USP8: variants seen among roughly 807,000 people sequenced by gnomAD.
USP8 encodes ubiquitin carboxyl-terminal hydrolase 8.
A neutral mutation model predicts 130.0 loss-of-function variants in USP8; 27 were observed. The observed-to-expected ratio is 0.21, with a 90% CI of 0.15 to 0.29. USP8 has a LOEUF of 0.29. Among genes scored for constraint, USP8 ranks in the 10% least tolerant of loss-of-function variants. USP8 has a pLI of 1.00. For synonymous variants in USP8, 392 were observed against 444.1 expected, an observed-to-expected ratio of 0.88 and a Z score of 1.48; for missense variants, 1,029 against 1,312.2, an observed-to-expected ratio of 0.78 and a Z score of 3.33.
At chr15:50,494,625 T>C (rs895306249) in intron 16 of USP8, among the ~76,000 whole-genome samples, 8 of 152,248 alleles carry the variant, frequency 5.3e-5, no homozygotes, top group Non-Finnish European at 8.8e-5. Flanking sequence ...GTTTATATAA[T>C]ATGTATATGT....
At chr15:50,465,256 T>G in intron 7 of USP8, 65 bp downstream of exon 7, 2 of 1,495,780 alleles carry the variant, frequency 1.3e-6, no homozygotes, top group Non-Finnish European at 1.8e-6. Context: ...CCTTAGTAAA[T>G]GTTACTACTT....
chr15:50,472,378 G>A (rs1312107916), intron 8 of USP8, among the ~76,000 whole-genome samples: 1 of 146,314 alleles, frequency 6.8e-6, no homozygotes, highest in Non-Finnish European at 1.5e-5. Context: ...GGTGGATCAC[G>A]AGGTCAGGAG....
chr15:50,481,759 A>G lies in USP8; in HGVS notation c.1497A>G (p.Gln499=). Residue 499 remains glutamine, a synonymous_variant, in exon 11 of 20, where the codon CAA becomes CAG. Transcript: ENST00000307179. Reference sequence around the variant, plus strand: ...AAGAGAAACTGAGGAAGGAAGAACAAGAACAAAAAGCCAAAAAGAAACAAG... The same window carrying G: ...AAGAGAAACTGAGGAAGGAAGAACAGGAACAAAAAGCCAAAAAGAAACAAG... ...EQKEKLRKEE[Q]EQKAKKKQEA... 6.3e-7 allele frequency: 1 copy of G among 1,583,606 alleles called. No individual in the cohort carries two copies. Among genetic ancestry groups the G allele is most frequent in the Non-Finnish European group, 8.6e-7 (1 of 1,167,290 alleles).
At chr15:50,458,915 G>T (rs1002043276) in intron 4 of USP8, 85 bp from the exon 5 acceptor site, 13 of 1,529,942 alleles carry the variant, frequency 8.5e-6, no homozygotes, top group African/African-American at 5.5e-5. Flanking sequence ...CTCAAGGCAG[G>T]ATACTAATTT....
chr15:50,459,872 A>T (rs1595933800), intron 5 of USP8, among the ~76,000 whole-genome samples: 1 of 151,620 alleles, frequency 6.6e-6, no homozygotes, highest in Non-Finnish European at 1.5e-5. Flanking sequence ...TAATCATGTA[A>T]TTTACATTAA....
intron 4 of USP8, among the ~76,000 whole-genome samples, chr15:50,457,990 ATTT>A (rs2050850760): frequency 6.6e-6 from 1 of 152,016 alleles, no homozygotes. Flanking sequence ...CTAGTCAATT[ATTT>A]ATTTTTTTCC....
At chr15:50,492,167 A>AT (rs548553935) in intron 14 of USP8, among the ~76,000 whole-genome samples, 7 of 152,008 alleles carry the variant, frequency 4.6e-5, no homozygotes, top group Non-Finnish European at 8.8e-5. Flanking sequence ...CTGGAACTGT[A>AT]TTTTTTTACT....
chr15:50,462,410 T>C, intron 6 of USP8, 88 bp downstream of exon 6: 2 of 1,179,090 alleles, frequency 1.7e-6, no homozygotes, highest in Non-Finnish European at 2.4e-6. Flanking sequence ...ACAATGAGAT[T>C]CTTAGCATTG....
chr15:50,455,012 CTT>C (rs1272528350), intron 4 of USP8, among the ~76,000 whole-genome samples: 1 of 151,626 alleles, frequency 6.6e-6, no homozygotes, highest in Non-Finnish European at 1.5e-5. Context: ...AATACTGACT[CTT>C]TACTTTGTCA....
At position 50,503,350 on chromosome 15, in the gene USP8, C is replaced by G. The variant is rs78444615; in HGVS notation, c.*4262C>G. ...GAGCCCTAAACAGGAAATTTAACAA[C>G]AGTATGGTGTGTGGTTTATGCTTTG... On this transcript the variant is annotated 3_prime_UTR_variant, in exon 20 of 20. Transcript: ENST00000307179. The G allele has an allele frequency of 4.0e-4, 61 of 152,448 alleles. No homozygotes were observed. The highest frequency in any genetic ancestry group is 5.9e-4 in the Non-Finnish European group (40 of 68,150). 9.4% of individuals were successfully genotyped at this position (152,448 alleles called of 1,614,324 possible).
rs2052589051 is a variant in USP8, at chr15:50,501,553, A to C, written c.*2465A>C. 6.6e-6 allele frequency: 1 copy of C among 151,902 alleles called. No homozygotes were observed. The highest frequency in any genetic ancestry group is 2.1e-4 in the South Asian group (1 of 4,812). The allele number at this position is 151,902 out of a possible 1,614,324, so 9.4% of individuals were successfully genotyped here. ...GGATAAGCCACAGAAGAGACATTTAACATTAGAATAAGGATCTTAACTGCA... is the reference window on the plus strand; with the variant it reads ...GGATAAGCCACAGAAGAGACATTTACCATTAGAATAAGGATCTTAACTGCA... On this transcript the variant is annotated 3_prime_UTR_variant, in exon 20 of 20. Coordinates refer to ENST00000307179, the MANE Select transcript of USP8 (RefSeq NM_005154.5).
intron 8 of USP8, among the ~76,000 whole-genome samples, chr15:50,476,452 T>C (rs1198257340): frequency 6.6e-6 from 1 of 152,124 alleles, no homozygotes; most frequent in Non-Finnish European, 1.5e-5. Context: ...TAGTCGAATA[T>C]TACCTAGCAT....
At chr15:50,456,984 G>C (rs1179416048) in intron 4 of USP8, among the ~76,000 whole-genome samples, 1 of 152,228 alleles carries the variant, frequency 6.6e-6, no homozygotes, top group African/African-American at 2.4e-5. Context: ...GAATAGCACA[G>C]CTTTGTGTGA....
In USP8 at chr15:50,453,084, G is replaced by C. The variant is rs189847028; in HGVS notation, c.335+3599G>C. 3.9e-5 allele frequency among the ~76,000 whole-genome samples: 6 copies of C among 152,304 alleles called. No individual in the cohort carries two copies. In the East Asian group the frequency reaches 1.2e-3, roughly 29 times the overall value. On this transcript the variant is annotated intron_variant, in intron 4 of 19. Transcript: ENST00000307179. ...TACATGCTTGCTATTCTGTGACCAA[G>C]TTCTTAACACAGTGCAGTAGAGAAG...
chr15:50,446,625 C>T (rs528831533), intron 3 of USP8, among the ~76,000 whole-genome samples: 12 of 152,222 alleles, frequency 7.9e-5, no homozygotes, highest in African/African-American at 2.9e-4. Context: ...TTGTAATGTT[C>T]AATTGATACG....
rs1012857797 is a variant in USP8 at position 50,503,866 on chromosome 15, A to G, written c.*4778A>G. The G allele has an allele frequency of 2.0e-5, 3 of 152,250 alleles. No individual in the cohort carries two copies. Among genetic ancestry groups the G allele is most frequent in the Admixed American group, 1.3e-4 (2 of 15,278 alleles). The allele number at this position is 152,250 out of a possible 1,614,324, so 9.4% of individuals were successfully genotyped here. A position where few individuals can be genotyped will look rare whatever the true frequency, so the allele number is the denominator to read the frequency against. On this transcript the variant is annotated 3_prime_UTR_variant, in exon 20 of 20. Coordinates refer to ENST00000307179, the MANE Select transcript of USP8 (RefSeq NM_005154.5). ...AGAACATGCAAGGAAACAATTTATC[A>G]TAAGAGTCAGAAGGCAATAAGATTT...
Position 50,510,091 on chromosome 15 carries a change from G to A in USP8, c.*11003G>A, listed in dbSNP as rs925444653. On this transcript the variant is annotated 3_prime_UTR_variant, in exon 20 of 20. Coordinates refer to ENST00000307179, the MANE Select transcript of USP8 (RefSeq NM_005154.5). ...TTTATAGCTATAATTAATACAGTAC[G>A]GAATTAGCCCAAATGTGAACAAATT... 1.3e-5 allele frequency: 2 copies of A among 151,920 alleles called. No homozygotes were observed. Among genetic ancestry groups the A allele is most frequent in the Admixed American group, 1.3e-4 (2 of 15,254 alleles). The allele number at this position is 151,920 out of a possible 1,614,324, so 9.4% of individuals were successfully genotyped here.
intron 1 of USP8, among the ~76,000 whole-genome samples, chr15:50,436,820 C>T (rs1412986059): frequency 6.6e-6 from 1 of 152,118 alleles, no homozygotes; most frequent in Non-Finnish European, 1.5e-5. Context: ...TAGGCATGCA[C>T]TACCATGCCT....
At chr15:50,447,397 C>A (rs1043350625) in intron 3 of USP8, among the ~76,000 whole-genome samples, 1 of 151,992 alleles carries the variant, frequency 6.6e-6, no homozygotes, top group Non-Finnish European at 1.5e-5. Context: ...CGTGCCTCCA[C>A]GCCTGGCTAA....
Sources: allele counts gnomAD v4.1 joint callset (sites outside exome capture counted in the v4.1 genomes callset), GRCh38; gene constraint gnomAD v4.1.1; transcripts MANE v1.5; gene names NCBI Gene and HGNC (gene_info 2026-07-23, HGNC 2026-07-21).